FANCL: variants seen among roughly 807,000 people sequenced by gnomAD.
The protein encoded by FANCL is FA complementation group L.
Under a neutral mutation model 59.4 loss-of-function variants are expected in FANCL, and 69 were observed. The ratio of observed to expected loss-of-function variants is 1.16; its 90% CI spans 0.96 to 1.42. The LOEUF is 1.42. Ranked by LOEUF, FANCL falls within the 40% of genes most tolerant of loss-of-function variation. The pLI is 0.00. For synonymous variants in FANCL, 180 were observed against 147.1 expected (o/e 1.22, Z -1.62); for missense variants, 519 against 447.2 (o/e 1.16, Z -1.45).
intron 12 of FANCL, 35 bp downstream of exon 12, chr2:58,161,487 C>CG: frequency 3.1e-6 from 4 of 1,280,744 alleles, no homozygotes; most frequent in Non-Finnish European, 4.6e-6. Flanking sequence ...GTTGTGTTAG[C>CG]GGAAAAAAGT....
chr2:58,194,744 T>C (rs1439125466), intron 7 of FANCL, among the ~76,000 whole-genome samples: 2 of 151,920 alleles, frequency 1.3e-5, no homozygotes, highest in African/African-American at 4.8e-5. Flanking sequence ...CATCTTCAGC[T>C]TGACATTGTG....
intron 7 of FANCL, among the ~76,000 whole-genome samples, chr2:58,177,030 A>C (rs1687398371): frequency 6.6e-6 from 1 of 152,240 alleles, no homozygotes; most frequent in Non-Finnish European, 1.5e-5. Context: ...ACATGAAAAA[A>C]TGCTCATCAT....
At chr2:58,205,814 A>T (rs539044903) in intron 5 of FANCL, among the ~76,000 whole-genome samples, 25 of 152,120 alleles carry the variant, frequency 1.6e-4, no homozygotes, top group Non-Finnish European at 3.2e-4. Context: ...ACTGGCAGAA[A>T]TTATGGGAAT....
At chr2:58,237,323 T>C (rs1405583446) in intron 1 of FANCL, among the ~76,000 whole-genome samples, 1 of 152,056 alleles carries the variant, frequency 6.6e-6, no homozygotes, top group Non-Finnish European at 1.5e-5. Flanking sequence ...CAAAAAGATA[T>C]CTAGAAAATC....
At chr2:58,166,058 T>C (rs1421494023) in intron 7 of FANCL, among the ~76,000 whole-genome samples, 184 bp from the exon 8 acceptor site, 1 of 152,222 alleles carries the variant, frequency 6.6e-6, no homozygotes, top group Non-Finnish European at 1.5e-5. Flanking sequence ...TACAGGATTC[T>C]TTTTTATTGA....
chr2:58,159,800 G>A lies in FANCL; in HGVS notation c.1093C>T (p.Pro365Ser). 2 of 1,610,382 alleles carry A rather than the reference G, an allele frequency of 1.2e-6. No individual in the cohort carries two copies. The highest frequency in any genetic ancestry group is 1.7e-6 in the Non-Finnish European group (2 of 1,177,560). ...CTTCCAGACATTTTTAAGGTAATTG[G>A]CTTTAAAAAGAGAACATATTTTAAC... The part of the protein sequence containing the change: ...IFGECPYCSK[P>S]ITLKMSGRKH The change falls in exon 14 of 14, where the codon CCA becomes TCA. Residue 365 changes from proline to serine, a missense_variant and splice_region_variant. Physicochemically the swap from Pro to Ser is moderately conservative, Grantham distance 74 (BLOSUM62 -1). Coordinates refer to ENST00000233741, the MANE Select transcript of FANCL (RefSeq NM_018062.4).
chr2:58,235,279 G>A (rs1693911267), intron 1 of FANCL, among the ~76,000 whole-genome samples: 1 of 152,030 alleles, frequency 6.6e-6, no homozygotes, highest in Non-Finnish European at 1.5e-5. Flanking sequence ...AACACCCAAA[G>A]GTGGGAACGT....
chr2:58,180,670 A>C (rs1376231173), intron 7 of FANCL, among the ~76,000 whole-genome samples: 2 of 152,168 alleles, frequency 1.3e-5, no homozygotes, highest in Non-Finnish European at 2.9e-5. Context: ...ACAAACCTGC[A>C]CGTTCTGCAC....
chr2:58,237,313 CAA>C (rs1344724964), intron 1 of FANCL, among the ~76,000 whole-genome samples: 2 of 151,814 alleles, frequency 1.3e-5, no homozygotes, highest in Non-Finnish European at 2.9e-5. Flanking sequence ...AAATCAATAA[CAA>C]AAAGATATCT....
intron 6 of FANCL, among the ~76,000 whole-genome samples, chr2:58,201,711 A>G (rs1408625258): frequency 6.6e-6 from 1 of 151,998 alleles, no homozygotes; most frequent in Admixed American, 6.6e-5. Context: ...ATAAAAACCA[A>G]AAAATTTATC....
rs142450255 is a variant in FANCL at position 58,216,716 on chromosome 2, C to G, written c.374+5226G>C. Among the ~76,000 whole-genome samples, 800 of 151,922 alleles carry G rather than the reference C, an allele frequency of 5.3e-3. 20 individuals carry two copies. Among genetic ancestry groups the G allele is most frequent in the Admixed American group, 0.047 (722 of 15,258 alleles). On this transcript the variant is annotated intron_variant, in intron 5 of 13. Transcript: ENST00000233741. ...TAAACCATACACAAAAAAGTGAAAA[C>G]AGAATGCACACTGTCCACCTTCCCA... is the stretch of plus-strand genomic sequence containing the variant.
At chr2:58,221,842 A>C (rs1692509562) in intron 5 of FANCL, 100 bp downstream of exon 5, 1 of 795,484 alleles carries the variant, frequency 1.3e-6, no homozygotes, top group Admixed American at 2.1e-5. Context: ...ACAATTAAAC[A>C]CTTTGACTAA....
At chr2:58,183,167 G>A (rs1688088929) in intron 7 of FANCL, among the ~76,000 whole-genome samples, 1 of 151,260 alleles carries the variant, frequency 6.6e-6, no homozygotes, top group African/African-American at 2.4e-5. Context: ...TATATATAAG[G>A]TTACTAAAAA....
At chr2:58,221,187 C>T (rs1055268838) in intron 5 of FANCL, among the ~76,000 whole-genome samples, 14 of 136,912 alleles carry the variant, frequency 1.0e-4, no homozygotes, top group Non-Finnish European at 1.7e-4. Flanking sequence ...GACTCGGTCT[C>T]AAAAAAAAAA....
intron 5 of FANCL, among the ~76,000 whole-genome samples, chr2:58,210,341 C>G (rs1251462449): frequency 6.6e-6 from 1 of 152,106 alleles, no homozygotes. Context: ...AAGGAAGATG[C>G]AAAAGCAGAA....
intron 5 of FANCL, among the ~76,000 whole-genome samples, chr2:58,212,155 A>C (rs1372528127): frequency 6.6e-6 from 1 of 152,242 alleles, no homozygotes; most frequent in Non-Finnish European, 1.5e-5. Context: ...ACAGTTCCAC[A>C]TGGCTGGGGA....
intron 5 of FANCL, among the ~76,000 whole-genome samples, chr2:58,218,777 G>A (rs1484490040): frequency 2.6e-5 from 4 of 151,946 alleles, no homozygotes; most frequent in Admixed American, 6.6e-5. Context: ...TCTCCCTGTT[G>A]GAGTATGAGA....
chr2:58,196,842 A>G (rs1390464853), intron 7 of FANCL, among the ~76,000 whole-genome samples: 4 of 151,938 alleles, frequency 2.6e-5, no homozygotes, highest in Admixed American at 2.0e-4. Flanking sequence ...ATTTAGAAAT[A>G]ACACCTGGAA....
chr2:58,175,954 T>A (rs1236392127), intron 7 of FANCL, among the ~76,000 whole-genome samples: 2 of 152,132 alleles, frequency 1.3e-5, no homozygotes, highest in Non-Finnish European at 2.9e-5. Context: ...ACAAAATCAA[T>A]GTACAAAAAT....
Sources: allele counts gnomAD v4.1 joint callset (sites outside exome capture counted in the v4.1 genomes callset), GRCh38; gene constraint gnomAD v4.1.1; transcripts MANE v1.5; gene names NCBI Gene and HGNC (gene_info 2026-07-23, HGNC 2026-07-21).